Variants in ZNF850 observed in about 807,000 individuals in gnomAD.
The protein encoded by ZNF850 is putative zinc finger protein ENSP00000330994.
A neutral mutation model predicts 11.9 loss-of-function variants in ZNF850; 2 were observed. The observed-to-expected ratio is 0.17, with a 90% CI of 0.07 to 0.53. ZNF850 has a LOEUF of 0.53. Among genes scored for constraint, ZNF850 ranks in the 20% least tolerant of loss-of-function variants. The probability of loss-of-function intolerance (pLI) is 0.94; values close to 1 mark genes in which losing one functional copy is unlikely to be tolerated. For missense variants in ZNF850, 1,014 were observed against 1,316.4 expected, an observed-to-expected ratio of 0.77 and a Z score of 3.55; for synonymous variants, 381 against 443.0, an observed-to-expected ratio of 0.86 and a Z score of 1.76.
chr19:36,744,814 A>C lies in ZNF850; in HGVS notation c.*2953T>G, dbSNP rs1235992563. ...ATTGAGACAAACCTCAACTGACTAC[A>C]AATTGAGACAAAAGAATCAATTGAG... is the stretch of plus-strand genomic sequence containing the variant. On this transcript the variant is annotated 3_prime_UTR_variant, in exon 5 of 5. Transcript: ENST00000591344. 6.6e-6 allele frequency: 1 copy of C among 152,132 alleles called. No homozygotes were observed. The highest frequency in any genetic ancestry group is 1.5e-5 in the Non-Finnish European group (1 of 68,036). The allele number at this position is 152,132 out of a possible 1,614,324, so 9.4% of individuals were successfully genotyped here.
At chr19:36,750,990 C>T (rs2040450464) in intron 4 of ZNF850, among the ~76,000 whole-genome samples, 186 bp from the exon 5 acceptor site, 1 of 148,000 alleles carries the variant, frequency 6.8e-6, no homozygotes, top group Non-Finnish European at 1.5e-5. Context: ...TGCTTGAGCC[C>T]AGGAGTTCAA....
intron 4 of ZNF850, among the ~76,000 whole-genome samples, chr19:36,751,350 T>G (rs989451156): frequency 6.6e-6 from 1 of 151,846 alleles, no homozygotes; most frequent in Non-Finnish European, 1.5e-5. Flanking sequence ...ACATAATGAC[T>G]CAATGCAATG....
At chr19:36,754,278 G>A (rs2040472297) in intron 4 of ZNF850, among the ~76,000 whole-genome samples, 1 of 151,246 alleles carries the variant, frequency 6.6e-6, no homozygotes, top group East Asian at 1.9e-4. Context: ...AAAAACATGA[G>A]GACACAAAAA....
rs2040424419 is a variant in ZNF850 at position 36,748,120 on chromosome 19, T to G, written c.2920A>C (p.Ile974Leu). 6.5e-7 allele frequency: 1 copy of G among 1,550,314 alleles called. No individual in the cohort carries two copies. The highest frequency in any genetic ancestry group is 2.4e-5 in the East Asian group (1 of 41,174). ...QRTHLTLHQRIHTGDRPYECK... is the reference protein window; with the variant it reads ...QRTHLTLHQRLHTGDRPYECK... ...TCATAAGGTCTGTCACCGGTATGAA[T>G]TCTCTGATGTAGAGTAAGGTGTGTA... The change falls in exon 5 of 5, where the codon ATT becomes CTT. Residue 974 changes from isoleucine to leucine, a missense_variant. By Grantham distance (5) the Ile-to-Leu change is conservative. Transcript: ENST00000591344.
In ZNF850 at chr19:36,750,078, C is replaced by A; in HGVS notation, c.962G>T (p.Gly321Val). 1 of 1,538,800 alleles carries A rather than the reference C, an allele frequency of 6.5e-7. No individual in the cohort carries two copies. The highest frequency in any genetic ancestry group is 8.7e-7 in the Non-Finnish European group (1 of 1,146,944). Residue 321 changes from glycine to valine, a missense_variant, in exon 5 of 5, where the codon GGC becomes GTC. Coordinates refer to ENST00000591344, the MANE Select transcript of ZNF850 (RefSeq NM_001193552.2). ...CKQCGKSFTV[G>V]STLIRHQQIH... ...TTGCTGGTGTCGAATTAGTGTTGAG[C>A]CAACAGTAAAAGATTTTCCACATTG... is the stretch of plus-strand genomic sequence containing the variant.
chr19:36,759,080 TAA>T (rs34625900), intron 4 of ZNF850, among the ~76,000 whole-genome samples: 112 of 145,818 alleles, frequency 7.7e-4, no homozygotes, highest in Middle Eastern at 7.4e-3. Flanking sequence ...AGACTCCGTC[TAA>T]AAAAAAAAAA....
At chr19:36,766,054 AT>A (rs556527634) in intron 1 of ZNF850, among the ~76,000 whole-genome samples, 1 of 149,192 alleles carries the variant, frequency 6.7e-6, no homozygotes, top group Admixed American at 6.7e-5. Context: ...ACACCTGGCT[AT>A]TTTTTTTGGT....
chr19:36,771,089 A>G (rs1474109305), intron 1 of ZNF850, among the ~76,000 whole-genome samples: 1 of 152,182 alleles, frequency 6.6e-6, no homozygotes, highest in Non-Finnish European at 1.5e-5. Flanking sequence ...CTCTGCAGCA[A>G]TTGAGTTGTT....
At chr19:36,761,301 A>G (rs992484290) in intron 4 of ZNF850, among the ~76,000 whole-genome samples, 4 of 151,996 alleles carry the variant, frequency 2.6e-5, no homozygotes, top group African/African-American at 9.7e-5. Context: ...TTAGCTGGGC[A>G]TGGTGGTGGA....
rs1396897037 is a variant in ZNF850, at chr19:36,748,265, A to G, written c.2775T>C (p.Tyr925=). The G allele has an allele frequency of 2.6e-6, 4 of 1,557,604 alleles. No homozygotes were observed. The highest frequency in any genetic ancestry group is 3.5e-6 in the Non-Finnish European group (4 of 1,155,220). Residue 925 remains tyrosine, a synonymous_variant, in exon 5 of 5, where the codon TAT becomes TAC. Transcript: ENST00000591344. ...AGGCTTTTCCACATTCATGACATCGATAAGGTTTCTCACCAGTATGGATTC... is the reference window on the plus strand; with the variant it reads ...AGGCTTTTCCACATTCATGACATCGGTAAGGTTTCTCACCAGTATGGATTC... The part of the protein sequence containing the change: ...HQRIHTGEKP[Y]RCHECGKAFV...
In ZNF850 at chr19:36,748,933, A is replaced by C; in HGVS notation, c.2107T>G (p.Cys703Gly). Residue 703 changes from cysteine to glycine, a missense_variant, in exon 5 of 5, where the codon TGT (cysteine) becomes GGT (glycine). This residue lies in a region of ZNF850 where 835 missense variants were observed against 1,022.0 expected (regional missense o/e 0.82). Transcript: ENST00000591344. ...RIHTGEKPYE[C>G]KECGKSFTFC... ...GTAAAAGATTTCCCACATTCTTTACATTCATAAGGTTTCTCACCAGTATGA... is the reference window on the plus strand; with the variant it reads ...GTAAAAGATTTCCCACATTCTTTACCTTCATAAGGTTTCTCACCAGTATGA... 1 of 1,578,566 alleles carries C rather than the reference A, an allele frequency of 6.3e-7. No individual in the cohort carries two copies. The highest frequency in any genetic ancestry group is 8.6e-7 in the Non-Finnish European group (1 of 1,163,388).
At chr19:36,763,723 G>A (rs190991318) in intron 1 of ZNF850, among the ~76,000 whole-genome samples, 2 of 152,170 alleles carry the variant, frequency 1.3e-5, no homozygotes, top group Admixed American at 1.3e-4. Context: ...GAGCTCAGGA[G>A]TTCAAGACCA....
chr19:36,743,588 C>G lies in ZNF850; in HGVS notation c.*4179G>C, dbSNP rs1033870052. 6.6e-6 allele frequency: 1 copy of G among 151,350 alleles called. No homozygotes were observed. Among genetic ancestry groups the G allele is most frequent in the African/African-American group, 2.4e-5 (1 of 41,160 alleles). The allele number at this position is 151,350 out of a possible 1,614,324, so 9.4% of individuals were successfully genotyped here. ...CTACTAAAGTAGTTCATCAATGTTA[C>G]AATCCTTAGACAAAAACCAACAGTT... On this transcript the variant is annotated 3_prime_UTR_variant, in exon 5 of 5. Coordinates refer to ENST00000591344, the MANE Select transcript of ZNF850 (RefSeq NM_001193552.2).
At position 36,747,705 on chromosome 19, in the gene ZNF850, C is replaced by T; in HGVS notation, c.*62G>A. 7.2e-7 allele frequency: 1 copy of T among 1,391,266 alleles called. No homozygotes were observed. Among genetic ancestry groups the T allele is most frequent in the Non-Finnish European group, 9.4e-7 (1 of 1,059,566 alleles). The allele number at this position is 1,391,266 out of a possible 1,614,324, so 86.2% of individuals were successfully genotyped here. On this transcript the variant is annotated 3_prime_UTR_variant, in exon 5 of 5. Transcript: ENST00000591344. Reference sequence around the variant, plus strand: ...AGTAATACACATCCATTGTATTTGACCCACATATGGAATCTGCTGATGATC... The same window carrying T: ...AGTAATACACATCCATTGTATTTGATCCACATATGGAATCTGCTGATGATC...
chr19:36,748,062 C>A lies in ZNF850; in HGVS notation c.2978G>T (p.Gly993Val). Residue 993 changes from glycine to valine, a missense_variant, in exon 5 of 5, where the codon GGC becomes GTC. Around this residue, in one of 2 missense-constraint regions of ZNF850, gnomAD observed 179 missense variants for 294.4 expected, o/e 0.61. Transcript: ENST00000591344. ...CKECGKSFTC[G>V]SELIRHQRTH... is the part of the protein sequence containing the mutation. ...TCGCTGATGTCGAATTAGTTCTGAG[C>A]CGCAAGTAAAAGATTTCCCACATTC... 2 of 1,565,724 alleles carry A rather than the reference C, an allele frequency of 1.3e-6. No individual in the cohort carries two copies. The highest frequency in any genetic ancestry group is 4.7e-5 in the East Asian group (2 of 42,406).
intron 1 of ZNF850, among the ~76,000 whole-genome samples, chr19:36,763,927 G>C (rs1046242269): frequency 1.3e-5 from 2 of 151,716 alleles, no homozygotes; most frequent in Non-Finnish European, 2.9e-5. Flanking sequence ...ACCAGAGCAA[G>C]ATCCTGTCTC....
chr19:36,752,498 T>G (rs1404461961), intron 4 of ZNF850, among the ~76,000 whole-genome samples: 1 of 152,152 alleles, frequency 6.6e-6, no homozygotes, highest in East Asian at 1.9e-4. Flanking sequence ...ACATCAAATT[T>G]TTTTAAATCT....
At chr19:36,772,666 C>T (rs1767982719) in intron 1 of ZNF850, 59 bp downstream of exon 1, 2 of 153,804 alleles carry the variant, frequency 1.3e-5, no homozygotes, top group South Asian at 4.1e-4. Context: ...CGCGATCACA[C>T]ACGCAAACTC....
chr19:36,748,503 C>T lies in ZNF850; in HGVS notation c.2537G>A (p.Cys846Tyr). The T allele has an allele frequency of 1.3e-6, 2 of 1,538,978 alleles. No individual in the cohort carries two copies. Among genetic ancestry groups the T allele is most frequent in the Non-Finnish European group, 1.7e-6 (2 of 1,147,356 alleles). The part of the protein sequence containing the change: ...TGEKRYSCKE[C>Y]GKSFTSRSTL... ...TGAGCGAGAAGTAAAAGATTTCCCA[C>T]ATTCTTTACAACTGTAGCGTTTCTC... The change falls in exon 5 of 5, where the codon TGT becomes TAT. Residue 846 changes from cysteine (C) to tyrosine (Y), a missense_variant. Cys to Tyr is a radical substitution (Grantham distance 194, BLOSUM62 -2). Transcript: ENST00000591344.
Sources: allele counts gnomAD v4.1 joint callset (sites outside exome capture counted in the v4.1 genomes callset), GRCh38; gene constraint gnomAD v4.1.1; regional missense constraint gnomAD v4.1.1; transcripts MANE v1.5; gene names NCBI Gene and HGNC (gene_info 2026-07-23, HGNC 2026-07-21).